Variants in TUSC3 observed in about 807,000 individuals in gnomAD.
The protein encoded by TUSC3 is dolichyl-diphosphooligosaccharide--protein glycosyltransferase subunit TUSC3.
In TUSC3, 45 loss-of-function variants were observed where a neutral mutation model predicts 44.8. That is an observed-to-expected ratio of 1.00 (90% CI 0.79 to 1.29). The LOEUF is 1.29. Among genes scored for constraint, TUSC3 ranks in the 50% most tolerant of loss-of-function variants. TUSC3 has a pLI of 0.00. For missense variants in TUSC3, 519 were observed against 437.9 expected (o/e 1.19, Z -1.65); for synonymous variants, 212 against 152.9 (o/e 1.39, Z -2.85).
chr8:15,834,281 C>T, the TUSC3 span, among the ~76,000 whole-genome samples: 6 of 151,944 alleles, frequency 3.9e-5, no homozygotes, highest in Non-Finnish European at 7.4e-5. Context: ...TAAATTTATT[C>T]CTAGGTTTTC....
At chr8:15,593,728 T>G (rs1391105503) in intron 1 of TUSC3, among the ~76,000 whole-genome samples, 1 of 152,196 alleles carries the variant, frequency 6.6e-6, no homozygotes, top group Non-Finnish European at 1.5e-5. Context: ...ATTATTTTGC[T>G]AATTTTCAGT....
At chr8:15,557,015 C>T (rs1360960392) in intron 1 of TUSC3, among the ~76,000 whole-genome samples, 2 of 141,776 alleles carry the variant, frequency 1.4e-5, no homozygotes, top group Non-Finnish European at 3.1e-5. Context: ...TTAATTAGAT[C>T]CCATTTGTCA....
chr8:15,798,007 T>C, the TUSC3 span, among the ~76,000 whole-genome samples: 1 of 152,192 alleles, frequency 6.6e-6, no homozygotes, highest in African/African-American at 2.4e-5. Context: ...TGATCTTCCT[T>C]TCCCTAAGAT....
intron 1 of TUSC3, among the ~76,000 whole-genome samples, chr8:15,578,222 A>G (rs150030251): frequency 0.66 from 48,394 of 73,228 alleles, 14,263 homozygotes; most frequent in Non-Finnish European, 0.7. Context: ...GGGCTGAGAC[A>G]ATGGGGTTTT....
At chr8:15,555,385 C>G (rs1191965769) in intron 1 of TUSC3, among the ~76,000 whole-genome samples, 1 of 143,084 alleles carries the variant, frequency 7.0e-6, no homozygotes, top group Non-Finnish European at 1.5e-5. Flanking sequence ...TGGCCTTGAC[C>G]TCCTGGGCTC....
Position 15,456,925 on chromosome 8 carries a change from C to T in TUSC3, n.92-26461C>T, listed in dbSNP as rs112714232. ...CTTGAATAAAAAAATATTAAGAACACTTATTCATCAAAGGGCACCTTTATG... is the reference window on the plus strand; with the variant it reads ...CTTGAATAAAAAAATATTAAGAACATTTATTCATCAAAGGGCACCTTTATG... On this transcript the variant is annotated intron_variant and non_coding_transcript_variant, in intron 1 of 5. Coordinates refer to the TUSC3 transcript ENST00000503191. 1.8e-4 allele frequency among the ~76,000 whole-genome samples: 28 copies of T among 152,228 alleles called. 2 individuals are homozygous for T. Among genetic ancestry groups the T allele is most frequent in the African/African-American group, 6.5e-4 (27 of 41,580 alleles).
chr8:15,635,147 A>G (rs1165813277), intron 2 of TUSC3, among the ~76,000 whole-genome samples: 1 of 152,142 alleles, frequency 6.6e-6, no homozygotes, highest in Non-Finnish European at 1.5e-5. Flanking sequence ...GAAAGGAAGC[A>G]TTATGCCCGG....
chr8:15,440,297 C>T (rs1337439055), intron 1 of TUSC3, among the ~76,000 whole-genome samples: 1 of 151,992 alleles, frequency 6.6e-6, no homozygotes, highest in Non-Finnish European at 1.5e-5. Flanking sequence ...ATGACAGATC[C>T]AACAAATAAA....
At chr8:15,717,570 C>T (rs1163070600) in intron 6 of TUSC3, among the ~76,000 whole-genome samples, 1 of 152,022 alleles carries the variant, frequency 6.6e-6, no homozygotes, top group Non-Finnish European at 1.5e-5. Flanking sequence ...AATCCTGTTG[C>T]AGTATTACGT....
At chr8:15,823,903 G>A in the TUSC3 span, among the ~76,000 whole-genome samples, 538 of 152,258 alleles carry the variant, frequency 3.5e-3, 14 homozygotes, top group Admixed American at 0.03. Context: ...TGTAGTTTCC[G>A]CTAACGGATA....
intron 1 of TUSC3, among the ~76,000 whole-genome samples, chr8:15,556,678 T>A (rs879819161): frequency 6.8e-6 from 1 of 146,858 alleles, no homozygotes; most frequent in East Asian, 2.1e-4. Flanking sequence ...GTTTCCTGAC[T>A]TTTTAATGAT....
intron 6 of TUSC3, among the ~76,000 whole-genome samples, chr8:15,712,305 A>C (rs955744325): frequency 6.6e-6 from 1 of 151,892 alleles, no homozygotes; most frequent in Non-Finnish European, 1.5e-5. Context: ...TTAGCAAACT[A>C]TCTTTGTATT....
At chr8:15,818,330 T>C in the TUSC3 span, among the ~76,000 whole-genome samples, 1 of 152,230 alleles carries the variant, frequency 6.6e-6, no homozygotes, top group Non-Finnish European at 1.5e-5. Flanking sequence ...GAAATCCTTT[T>C]CAAACAGCTT....
intron 1 of TUSC3, among the ~76,000 whole-genome samples, chr8:15,564,258 T>C (rs1038698481): frequency 6.6e-6 from 1 of 152,112 alleles, no homozygotes; most frequent in Non-Finnish European, 1.5e-5. Context: ...GATAACTAAG[T>C]TTGGGCAGCC....
chr8:15,527,728 T>C (rs1372854449), intron 2 of TUSC3, among the ~76,000 whole-genome samples: 1 of 152,156 alleles, frequency 6.6e-6, no homozygotes, highest in African/African-American at 2.4e-5. Flanking sequence ...CTTCTGAAGC[T>C]CACTTTATTT....
chr8:15,643,516 T>C (rs1806482423), intron 2 of TUSC3, among the ~76,000 whole-genome samples: 1 of 152,204 alleles, frequency 6.6e-6, no homozygotes, highest in Non-Finnish European at 1.5e-5. Context: ...ATATACAGTT[T>C]TGCTTTAAAA....
intron 1 of TUSC3, among the ~76,000 whole-genome samples, chr8:15,556,809 G>C (rs1158456083): frequency 8.0e-6 from 1 of 125,638 alleles, no homozygotes; most frequent in East Asian, 2.6e-4. Context: ...CTTCTTTTGA[G>C]AAGTGTCTGT....
At chr8:15,665,416 AT>A (rs1202415780) in intron 5 of TUSC3, among the ~76,000 whole-genome samples, 7 of 151,638 alleles carry the variant, frequency 4.6e-5, no homozygotes, top group Non-Finnish European at 8.9e-5. Flanking sequence ...AAGGAGAATT[AT>A]TTAGTGTTGT....
intron 2 of TUSC3, among the ~76,000 whole-genome samples, chr8:15,642,829 A>G (rs55778388): frequency 0.031 from 4,496 of 143,960 alleles, 64 homozygotes; most frequent in South Asian, 0.04. Flanking sequence ...GGATTGAAGT[A>G]TCTTGAGGCA....
Sources: gnomAD v4.1 joint callset for allele counts (sites outside exome capture counted in the v4.1 genomes callset) on GRCh38, gnomAD v4.1.1 for gene constraint, MANE v1.5 for transcripts, NCBI Gene and HGNC (gene_info 2026-07-23, HGNC 2026-07-21) for gene names.